CSNK2A2IP: variants seen among roughly 807,000 people sequenced by gnomAD.
CSNK2A2IP encodes casein kinase II subunit alpha'-interacting protein.
At chr3:88,429,898 G>A in the CSNK2A2IP span, among the ~76,000 whole-genome samples, 3 of 149,442 alleles carry the variant, frequency 2.0e-5, no homozygotes, top group Non-Finnish European at 3.0e-5. Flanking sequence ...GACTACAGGC[G>A]CCCGCCACCA....
the CSNK2A2IP span, among the ~76,000 whole-genome samples, chr3:88,352,566 T>C: frequency 6.6e-6 from 1 of 152,004 alleles, no homozygotes; most frequent in South Asian, 2.1e-4. Context: ...AAAATAATTT[T>C]ATAGATTAAT....
chr3:88,345,781 T>G, the CSNK2A2IP span, among the ~76,000 whole-genome samples: 4 of 151,918 alleles, frequency 2.6e-5, no homozygotes, highest in South Asian at 6.2e-4. Flanking sequence ...AATAAGTCAT[T>G]TAATAACCCT....
the CSNK2A2IP span, among the ~76,000 whole-genome samples, chr3:88,396,401 G>A: frequency 1.7e-4 from 26 of 152,192 alleles, no homozygotes; most frequent in Admixed American, 9.8e-4. Flanking sequence ...CACCGCGCCC[G>A]GCCGACTACC....
chr3:88,352,664 A>G, the CSNK2A2IP span, among the ~76,000 whole-genome samples: 1 of 151,974 alleles, frequency 6.6e-6, no homozygotes, highest in Non-Finnish European at 1.5e-5. Flanking sequence ...CTGCGGCCTC[A>G]ACCTCCCAGG....
the CSNK2A2IP span, among the ~76,000 whole-genome samples, chr3:88,386,097 G>A: frequency 2.0e-5 from 3 of 152,026 alleles, no homozygotes; most frequent in Admixed American, 2.0e-4. Flanking sequence ...TATTTTTGCA[G>A]TAATACTCAA....
At chr3:88,419,254 T>C in the CSNK2A2IP span, among the ~76,000 whole-genome samples, 3 of 152,210 alleles carry the variant, frequency 2.0e-5, no homozygotes, top group South Asian at 4.1e-4. Flanking sequence ...GGAAAAATTG[T>C]CTTCTACAAA....
At chr3:88,467,050 C>A in the CSNK2A2IP span, 261 of 1,022,018 alleles carry the variant, frequency 2.6e-4, no homozygotes, top group Non-Finnish European at 3.0e-4. Flanking sequence ...CACATCTGAA[C>A]GGGATATCCA....
the CSNK2A2IP span, among the ~76,000 whole-genome samples, chr3:88,349,572 T>C: frequency 6.6e-6 from 1 of 152,158 alleles, no homozygotes; most frequent in Non-Finnish European, 1.5e-5. Context: ...ATTCTTGCAA[T>C]TGCAAATTGA....
chr3:88,348,352 T>A, the CSNK2A2IP span, among the ~76,000 whole-genome samples: 6 of 152,068 alleles, frequency 3.9e-5, no homozygotes, highest in Admixed American at 2.0e-4. Flanking sequence ...GAGACACTCA[T>A]CTTTATGTAA....
chr3:88,449,870 T>TAGAGAGAGAGAGAGAGAGAGAG, the CSNK2A2IP span, among the ~76,000 whole-genome samples: 3 of 81,700 alleles, frequency 3.7e-5, no homozygotes, highest in Non-Finnish European at 8.6e-5. Flanking sequence ...TATATATATA[T>TAGAGAGAGAGAGAGAGAGAGAG]ATATAGAGAG....
chr3:88,370,293 A>C, the CSNK2A2IP span, among the ~76,000 whole-genome samples: 1 of 151,920 alleles, frequency 6.6e-6, no homozygotes. Context: ...TTAAAAGGAA[A>C]AATTAGAAAC....
At chr3:88,459,129 A>G in the CSNK2A2IP span, among the ~76,000 whole-genome samples, 1 of 152,170 alleles carries the variant, frequency 6.6e-6, no homozygotes, top group African/African-American at 2.4e-5. Context: ...AGGAAGTAGG[A>G]TGAAGTAGCA....
the CSNK2A2IP span, among the ~76,000 whole-genome samples, chr3:88,400,744 C>T: frequency 1.1e-4 from 17 of 152,136 alleles, no homozygotes; most frequent in African/African-American, 2.4e-4. Context: ...TGATTTTAGC[C>T]CAGTGAAACC....
chr3:88,373,051 C>T, the CSNK2A2IP span, among the ~76,000 whole-genome samples: 2 of 151,384 alleles, frequency 1.3e-5, no homozygotes, highest in Non-Finnish European at 3.0e-5. Flanking sequence ...AATTATGTTT[C>T]TCTTCAGTAA....
chr3:88,415,309 G>A, the CSNK2A2IP span, among the ~76,000 whole-genome samples: 5 of 151,960 alleles, frequency 3.3e-5, no homozygotes, highest in East Asian at 3.9e-4. Flanking sequence ...TTATAATGAA[G>A]ATAAATTCAA....
chr3:88,356,989 T>A, the CSNK2A2IP span, among the ~76,000 whole-genome samples: 12 of 118,854 alleles, frequency 1.0e-4, no homozygotes, highest in Non-Finnish European at 2.3e-4. Context: ...GTTGTTTGAG[T>A]TTATTTATAT....
the CSNK2A2IP span, among the ~76,000 whole-genome samples, chr3:88,430,909 C>T: frequency 1.3e-5 from 2 of 151,968 alleles, no homozygotes; most frequent in Non-Finnish European, 2.9e-5. Flanking sequence ...AAAACAAAAA[C>T]AAATGAGCTG....
chr3:88,359,220 T>G, the CSNK2A2IP span, among the ~76,000 whole-genome samples: 32 of 151,870 alleles, frequency 2.1e-4, no homozygotes, highest in African/African-American at 7.5e-4. Flanking sequence ...TTCTGTGGCA[T>G]CAGTTGTAAT....
chr3:88,404,772 C>T, the CSNK2A2IP span, among the ~76,000 whole-genome samples: 5,189 of 125,118 alleles, frequency 0.041, 486 homozygotes, highest in African/African-American at 0.12. Flanking sequence ...CAAACATCAC[C>T]GCTCTCTGCC....
Sources: allele counts gnomAD v4.1 joint callset (sites outside exome capture counted in the v4.1 genomes callset), GRCh38; gene constraint gnomAD v4.1.1; transcripts MANE v1.5; gene names NCBI Gene and HGNC (gene_info 2026-07-23, HGNC 2026-07-21).